The following CRLF3 variants were observed in gnomAD, a reference collection of about 807,000 sequenced individuals.
CRLF3 encodes the protein cytokine receptor-like factor 3.
Under a neutral mutation model 55.0 loss-of-function variants are expected in CRLF3, and 33 were observed. The ratio of observed to expected loss-of-function variants is 0.60; its 90% CI spans 0.46 to 0.80. CRLF3 has a LOEUF of 0.80. Among genes scored for constraint, CRLF3 ranks in the 30% least tolerant of loss-of-function variants. The probability of loss-of-function intolerance (pLI) is 0.00; values close to 1 mark genes in which losing one functional copy is unlikely to be tolerated. For missense variants in CRLF3, 494 were observed against 538.4 expected (o/e 0.92, Z 0.82); for synonymous variants, 238 against 196.8 (o/e 1.21, Z -1.75).
Position 30,784,769 on chromosome 17 carries a change from T to G in CRLF3, c.1073-326A>C, listed in dbSNP as rs553576727. 2.4e-4 allele frequency: 53 copies of G among 223,594 alleles called. No individual in the cohort carries two copies. In the East Asian group the frequency reaches 4.8e-3, roughly 20 times the overall value. 13.9% of individuals were successfully genotyped at this position (223,594 alleles called of 1,614,324 possible). On this transcript the variant is annotated intron_variant, in intron 7 of 7. Transcript: ENST00000324238. ...GACTCACCAACACAATTTTTTTTTT[T>G]TTTTTGGAGACAGAGTTTCACTCTT...
intron 1 of CRLF3, among the ~76,000 whole-genome samples, chr17:30,812,035 G>A (rs888840392): frequency 6.6e-6 from 1 of 151,896 alleles, no homozygotes; most frequent in Non-Finnish European, 1.5e-5. Context: ...GCGTGAGCGG[G>A]GGAGGCGGAG....
chr17:30,812,653 G>A (rs570711202), intron 1 of CRLF3, among the ~76,000 whole-genome samples: 11 of 152,192 alleles, frequency 7.2e-5, no homozygotes, highest in Non-Finnish European at 1.2e-4. Context: ...CCAACTACTC[G>A]TGGCCTTGTG....
chr17:30,824,013 T>A (rs1490577444), intron 1 of CRLF3, among the ~76,000 whole-genome samples: 1 of 152,168 alleles, frequency 6.6e-6, no homozygotes, highest in Non-Finnish European at 1.5e-5. Flanking sequence ...TATTGTCAAA[T>A]GCTACTGCTT....
chr17:30,811,402 C>T (rs915249975), intron 1 of CRLF3, among the ~76,000 whole-genome samples: 1 of 151,448 alleles, frequency 6.6e-6, no homozygotes, highest in Non-Finnish European at 1.5e-5. Context: ...TGCAGTGAGC[C>T]GAGATCACGC....
Position 30,783,482 on chromosome 17 carries a change from T to G in CRLF3, c.*705A>C, listed in dbSNP as rs1971550040. ...AAATACAAAAATTAGCCAGGTGTGG[T>G]GGCCGACGCCTGTAATCCCAGCTAC... On this transcript the variant is annotated 3_prime_UTR_variant, in exon 8 of 8. Transcript: ENST00000324238. The G allele has an allele frequency of 1.3e-5, 2 of 152,164 alleles. No individual in the cohort carries two copies. The highest frequency in any genetic ancestry group is 1.3e-4 in the Admixed American group (2 of 15,256). The allele number at this position is 152,164 out of a possible 1,614,324, so 9.4% of individuals were successfully genotyped here.
chr17:30,820,493 G>A (rs551830203), intron 1 of CRLF3, among the ~76,000 whole-genome samples: 1 of 152,004 alleles, frequency 6.6e-6, no homozygotes, highest in South Asian at 2.1e-4. Flanking sequence ...GTTAGAAATC[G>A]GCCTGGCAGC....
At chr17:30,807,270 A>G (rs1904436414) in intron 1 of CRLF3, among the ~76,000 whole-genome samples, 1 of 152,130 alleles carries the variant, frequency 6.6e-6, no homozygotes, top group Non-Finnish European at 1.5e-5. Context: ...AGTATAAGAA[A>G]AATCCACCAA....
At chr17:30,795,312 C>T (rs192263207) in intron 4 of CRLF3, among the ~76,000 whole-genome samples, 1 of 147,898 alleles carries the variant, frequency 6.8e-6, no homozygotes, top group Non-Finnish European at 1.5e-5. Flanking sequence ...GAAACTCTGT[C>T]TCTACTAAAA....
At chr17:30,817,131 C>T (rs894062391) in intron 1 of CRLF3, among the ~76,000 whole-genome samples, 3 of 152,096 alleles carry the variant, frequency 2.0e-5, no homozygotes, top group East Asian at 1.9e-4. Flanking sequence ...ATAGACTCCA[C>T]CTCTGTATTA....
chr17:30,816,649 C>T (rs7208088), intron 1 of CRLF3, among the ~76,000 whole-genome samples: 20,571 of 151,756 alleles, frequency 0.14, 1,507 homozygotes, highest in South Asian at 0.25. Context: ...ACCACCACAC[C>T]TGGCTAATTT....
At chr17:30,789,039 C>T (rs1971720804) in intron 6 of CRLF3, among the ~76,000 whole-genome samples, 2 of 152,218 alleles carry the variant, frequency 1.3e-5, no homozygotes, top group Admixed American at 6.6e-5. Context: ...GCATGGAGTC[C>T]CCCTTGCATT....
intron 7 of CRLF3, 36 bp from the exon 8 acceptor site, chr17:30,784,479 G>A (rs772338217): frequency 1.9e-6 from 3 of 1,558,026 alleles, no homozygotes; most frequent in Admixed American, 1.7e-5. Context: ...TTACATGTGA[G>A]CAATAACTAA....
At chr17:30,812,124 A>AT (rs1475644820) in intron 1 of CRLF3, among the ~76,000 whole-genome samples, 1 of 152,100 alleles carries the variant, frequency 6.6e-6, no homozygotes, top group East Asian at 1.9e-4. Context: ...AAAAATAAAA[A>AT]TAAAAATAAA....
At chr17:30,819,235 G>A (rs1362354423) in intron 1 of CRLF3, among the ~76,000 whole-genome samples, 1 of 152,158 alleles carries the variant, frequency 6.6e-6, no homozygotes, top group Non-Finnish European at 1.5e-5. Context: ...GTACATGAAA[G>A]CCAACATAGT....
chr17:30,796,711 T>G (rs1377396728), intron 3 of CRLF3, among the ~76,000 whole-genome samples: 1 of 151,414 alleles, frequency 6.6e-6, no homozygotes, highest in Non-Finnish European at 1.5e-5. Context: ...ACAGTGGTAA[T>G]GGGCAGTGAA....
At chr17:30,812,937 G>T (rs752817757) in intron 1 of CRLF3, among the ~76,000 whole-genome samples, 3 of 152,144 alleles carry the variant, frequency 2.0e-5, no homozygotes, top group Non-Finnish European at 4.4e-5. Flanking sequence ...TTCCAACTGA[G>T]ACTAGCTAAT....
chr17:30,788,599 C>CTTTTTTTTTTTTTT (rs1159336036), intron 6 of CRLF3, among the ~76,000 whole-genome samples: 21 of 80,038 alleles, frequency 2.6e-4, no homozygotes, highest in African/African-American at 1.2e-3. Context: ...GTAGTGCCTT[C>CTTTTTTTTTTTTTT]TTTTTTTTTT....
chr17:30,810,506 G>A (rs1904579496), intron 1 of CRLF3, among the ~76,000 whole-genome samples: 1 of 152,062 alleles, frequency 6.6e-6, no homozygotes, highest in African/African-American at 2.4e-5. Flanking sequence ...AGGTTGCAGT[G>A]AGCTAAGATA....
chr17:30,798,695 T>C (rs1358559990), intron 2 of CRLF3, among the ~76,000 whole-genome samples: 2 of 151,806 alleles, frequency 1.3e-5, no homozygotes, highest in Non-Finnish European at 1.5e-5. Context: ...AAAAAGTAGC[T>C]GGGCATAGTG....
Sources: gnomAD v4.1 joint callset for allele counts (sites outside exome capture counted in the v4.1 genomes callset) on GRCh38, gnomAD v4.1.1 for gene constraint, MANE v1.5 for transcripts, NCBI Gene and HGNC (gene_info 2026-07-23, HGNC 2026-07-21) for gene names.